AFF1: variants seen among roughly 807,000 people sequenced by gnomAD.
The protein encoded by AFF1 is ALF transcription elongation factor 1, also known as AF4/FMR2 family member 1.
A neutral mutation model predicts 121.7 loss-of-function variants in AFF1; 48 were observed. The ratio of observed to expected loss-of-function variants is 0.39; its 90% CI spans 0.31 to 0.50. The LOEUF (loss-of-function observed/expected upper bound fraction) is 0.50, where lower values mean the gene tolerates loss of function less well. AFF1 is among the 20% of genes least tolerant of loss of function. AFF1 has a pLI of 0.76. For synonymous variants in AFF1, 613 were observed against 563.0 expected, an observed-to-expected ratio of 1.09 and a Z score of -1.26; for missense variants, 1,523 against 1,511.7, an observed-to-expected ratio of 1.01 and a Z score of -0.12.
In AFF1 at chr4:87,062,276, T is replaced by C. The variant is rs184848471; in HGVS notation, c.1059+14682T>C. On this transcript the variant is annotated intron_variant, in intron 4 of 20. Coordinates refer to ENST00000395146, the MANE Select transcript of AFF1 (RefSeq NM_001166693.3). ...ATTGAGTGTCTGATAAGGACTTGCTTTCTGCCTCCAAGATGGTGTATCTTG... is the reference window on the plus strand; with the variant it reads ...ATTGAGTGTCTGATAAGGACTTGCTCTCTGCCTCCAAGATGGTGTATCTTG... 3.2e-3 allele frequency among the ~76,000 whole-genome samples: 483 copies of C among 152,340 alleles called. 2 individuals carry two copies. Among genetic ancestry groups the C allele is most frequent in the Non-Finnish European group, 5.7e-3 (390 of 68,026 alleles).
intron 2 of AFF1, chr4:86,950,139 A>C: frequency 6.5e-7 from 1 of 1,549,012 alleles, no homozygotes; most frequent in Non-Finnish European, 8.9e-7. Context: ...GACTTGGGCC[A>C]GCACCGGACA....
At chr4:86,986,476 C>T (rs953357214) in intron 2 of AFF1, among the ~76,000 whole-genome samples, 3 of 152,036 alleles carry the variant, frequency 2.0e-5, no homozygotes, top group African/African-American at 7.3e-5. Context: ...AATAGTCTTT[C>T]CAAAAATTTA....
chr4:86,975,227 A>G (rs748214072), intron 2 of AFF1, among the ~76,000 whole-genome samples: 8 of 151,656 alleles, frequency 5.3e-5, no homozygotes, highest in Non-Finnish European at 8.8e-5. Context: ...GGGAAATCCT[A>G]TTTATCCCAC....
chr4:87,097,144 G>A (rs1476832418), intron 8 of AFF1, among the ~76,000 whole-genome samples: 1 of 152,202 alleles, frequency 6.6e-6, no homozygotes, highest in African/African-American at 2.4e-5. Context: ...ACCATAAAAG[G>A]CCCTGACCAT....
chr4:87,008,043 C>T (rs1003709176), intron 2 of AFF1, among the ~76,000 whole-genome samples: 4 of 150,080 alleles, frequency 2.7e-5, no homozygotes, highest in Middle Eastern at 3.2e-3. Context: ...GAAGCCCCGT[C>T]TTTCCATGGT....
At chr4:87,068,921 G>A (rs1188759519) in intron 4 of AFF1, among the ~76,000 whole-genome samples, 4 of 152,212 alleles carry the variant, frequency 2.6e-5, no homozygotes, top group Non-Finnish European at 4.4e-5. Flanking sequence ...AGTAAGACAT[G>A]TTCACAGAGG....
intron 8 of AFF1, among the ~76,000 whole-genome samples, chr4:87,103,154 T>G (rs759039976): frequency 4.4e-4 from 67 of 152,214 alleles, no homozygotes; most frequent in Admixed American, 3.3e-4. Context: ...TTGTACATGT[T>G]TTTTAATCAA....
chr4:87,118,804 T>C (rs1196486396), intron 12 of AFF1, among the ~76,000 whole-genome samples: 2 of 152,198 alleles, frequency 1.3e-5, no homozygotes, highest in Non-Finnish European at 2.9e-5. Context: ...GAACAAAGAA[T>C]TGGACAAAAT....
In AFF1 at chr4:87,126,119, A is replaced by G; in HGVS notation, c.2594A>G (p.Gln865Arg). Residue 865 changes from glutamine (Q) to arginine (R), a missense_variant, in exon 14 of 21, where the codon CAG becomes CGG. Around this residue, in one of 5 missense-constraint regions of AFF1, gnomAD observed 905 missense variants for 842.5 expected, o/e 1.07. Transcript: ENST00000395146. ...SKTKPSRPSS[Q>R]SSKKEMLPPP... ...TCCAGGCCCTCCAGGCCCTCCTCACAGTCCTCAAAGAAGGAAATGCTCCCC... is the reference window on the plus strand; with the variant it reads ...TCCAGGCCCTCCAGGCCCTCCTCACGGTCCTCAAAGAAGGAAATGCTCCCC... 3 of 1,614,154 alleles carry G rather than the reference A, an allele frequency of 1.9e-6. No individual in the cohort carries two copies. The highest frequency in any genetic ancestry group is 2.5e-6 in the Non-Finnish European group (3 of 1,180,006).
chr4:86,954,967 G>A (rs1721636065), intron 2 of AFF1, among the ~76,000 whole-genome samples: 1 of 151,968 alleles, frequency 6.6e-6, no homozygotes, highest in Admixed American at 6.6e-5. Context: ...TATTACTTAT[G>A]TAATCACTTT....
chr4:86,938,467 AGAAAAG>A (rs1720211361), intron 1 of AFF1, among the ~76,000 whole-genome samples: 1 of 147,282 alleles, frequency 6.8e-6, no homozygotes, highest in Admixed American at 6.8e-5. Context: ...AAAAAAAAAA[AGAAAAG>A]GAAAAAAGTA....
intron 4 of AFF1, among the ~76,000 whole-genome samples, chr4:87,078,073 T>G (rs1392258859): frequency 6.6e-6 from 1 of 152,228 alleles, no homozygotes; most frequent in African/African-American, 2.4e-5. Flanking sequence ...CACTTAATCC[T>G]CCTACCAATC....
chr4:87,059,579 G>A (rs892680637), intron 4 of AFF1, among the ~76,000 whole-genome samples: 3 of 152,120 alleles, frequency 2.0e-5, no homozygotes, highest in African/African-American at 7.2e-5. Flanking sequence ...TTGATTAAGT[G>A]AAAATCAGAT....
chr4:87,120,663 G>T (rs537661401), intron 12 of AFF1, among the ~76,000 whole-genome samples: 8 of 152,140 alleles, frequency 5.3e-5, no homozygotes, highest in Non-Finnish European at 8.8e-5. Context: ...GGTGGTTACC[G>T]CGTCAGCCCC....
At chr4:87,033,313 A>C (rs960387770) in intron 2 of AFF1, among the ~76,000 whole-genome samples, 2 of 152,164 alleles carry the variant, frequency 1.3e-5, no homozygotes, top group African/African-American at 4.8e-5. Flanking sequence ...TAGCAAGTCT[A>C]AATGCTGAGC....
intron 1 of AFF1, among the ~76,000 whole-genome samples, chr4:86,945,571 T>A (rs906264072): frequency 6.8e-6 from 1 of 146,892 alleles, no homozygotes; most frequent in Non-Finnish European, 1.5e-5. Flanking sequence ...CAGATCACAG[T>A]TCACTGCAGC....
At chr4:87,131,690 CTCT>C in intron 17 of AFF1, 100 bp from the exon 18 acceptor site, 1 of 1,034,802 alleles carries the variant, frequency 9.7e-7, no homozygotes, top group Non-Finnish European at 1.4e-6. Context: ...ATGCTCTCAT[CTCT>C]TCTTCAGGAA....
chr4:86,995,912 C>T (rs1425265054), intron 2 of AFF1, among the ~76,000 whole-genome samples: 2 of 151,158 alleles, frequency 1.3e-5, no homozygotes, highest in African/African-American at 2.4e-5. Context: ...TGGGGAGCAC[C>T]TCTGCCCTGC....
chr4:87,042,441 TG>T (rs1345443000), intron 2 of AFF1, among the ~76,000 whole-genome samples: 1 of 152,236 alleles, frequency 6.6e-6, no homozygotes, highest in African/African-American at 2.4e-5. Context: ...TCCTCTGCCC[TG>T]CCCAGGAGCT....
Sources: gnomAD v4.1 joint callset for allele counts (sites outside exome capture counted in the v4.1 genomes callset) on GRCh38, gnomAD v4.1.1 for gene constraint, gnomAD v4.1.1 regional missense constraint, MANE v1.5 for transcripts, NCBI Gene and HGNC (gene_info 2026-07-23, HGNC 2026-07-21) for gene names.